SLC35F1: variants seen among roughly 807,000 people sequenced by gnomAD.
The protein encoded by SLC35F1 is chromosome 6 open reading frame 169.
In SLC35F1, 14 loss-of-function variants were observed where a neutral mutation model predicts 48.7. The ratio of observed to expected loss-of-function variants is 0.29; its 90% CI spans 0.19 to 0.45. The LOEUF (loss-of-function observed/expected upper bound fraction) is 0.45, where lower values mean the gene tolerates loss of function less well. Among genes scored for constraint, SLC35F1 ranks in the 20% least tolerant of loss-of-function variants. The probability of loss-of-function intolerance (pLI) is 1.00; values close to 1 mark genes in which losing one functional copy is unlikely to be tolerated. For missense variants in SLC35F1, 404 were observed against 500.0 expected (o/e 0.81, Z 1.83); for synonymous variants, 190 against 202.2 (o/e 0.94, Z 0.51).
At chr6:118,063,437 T>C (rs1217739605) in intron 1 of SLC35F1, among the ~76,000 whole-genome samples, 2 of 152,196 alleles carry the variant, frequency 1.3e-5, no homozygotes, top group African/African-American at 4.8e-5. Context: ...AATTACACAA[T>C]ATTTTCAGTG....
At chr6:118,250,893 A>T (rs1372601039) in intron 3 of SLC35F1, among the ~76,000 whole-genome samples, 1 of 151,910 alleles carries the variant, frequency 6.6e-6, no homozygotes, top group Non-Finnish European at 1.5e-5. Flanking sequence ...TGAACCCAGG[A>T]AGCAGAGGTT....
chr6:118,229,113 C>A (rs182402867), intron 2 of SLC35F1, among the ~76,000 whole-genome samples: 214 of 152,030 alleles, frequency 1.4e-3, no homozygotes, highest in African/African-American at 4.8e-3. Context: ...CAAAACTTTT[C>A]ATTCCCTCAA....
At chr6:118,043,680 G>C (rs1772259461) in intron 1 of SLC35F1, among the ~76,000 whole-genome samples, 1 of 137,550 alleles carries the variant, frequency 7.3e-6, no homozygotes, top group Non-Finnish European at 1.7e-5. Flanking sequence ...GGGAGTGTTA[G>C]ACATACGCCC....
At chr6:118,240,150 G>C (rs1178288753) in intron 3 of SLC35F1, among the ~76,000 whole-genome samples, 1 of 152,214 alleles carries the variant, frequency 6.6e-6, no homozygotes, top group African/African-American at 2.4e-5. Context: ...AAATGAATCA[G>C]CCTTGCCCTA....
At chr6:117,979,384 A>G (rs1309970098) in intron 1 of SLC35F1, among the ~76,000 whole-genome samples, 4 of 152,212 alleles carry the variant, frequency 2.6e-5, no homozygotes, top group African/African-American at 9.7e-5. Context: ...AATACTGTTA[A>G]GATTTAACTG....
chr6:117,923,702 T>C (rs13217411), intron 1 of SLC35F1, among the ~76,000 whole-genome samples: 1 of 17,470 alleles, frequency 5.7e-5, no homozygotes, highest in Admixed American at 8.5e-4. Flanking sequence ...TACATATACA[T>C]ATATGTACAT....
At chr6:117,916,320 A>AATACAATACC (rs1775825234) in intron 1 of SLC35F1, among the ~76,000 whole-genome samples, 1 of 152,170 alleles carries the variant, frequency 6.6e-6, no homozygotes, top group Admixed American at 6.5e-5. Context: ...ATTTCACAAA[A>AATACAATACC]GTATTGTCTT....
intron 1 of SLC35F1, among the ~76,000 whole-genome samples, chr6:117,922,167 A>T (rs1031253299): frequency 6.6e-6 from 1 of 152,102 alleles, no homozygotes; most frequent in African/African-American, 2.4e-5. Context: ...GTTGGAGGAG[A>T]TAACACTTGT....
chr6:117,933,291 G>T lies in SLC35F1; in HGVS notation c.173+25392G>T, dbSNP rs558575843. Among the ~76,000 whole-genome samples, 116 of 152,194 alleles carry T rather than the reference G, an allele frequency of 7.6e-4. 6 individuals are homozygous for T. In the South Asian group the frequency reaches 0.024, roughly 31 times the overall value. On this transcript the variant is annotated intron_variant, in intron 1 of 7. Transcript: ENST00000360388. The stretch of plus-strand genomic sequence containing the variant: ...ATTTAAACTCCCCTCCCTACTGTTT[G>T]CTGCCTCCTGACAAAAGTAAACTCT...
rs1562280728 is a variant in SLC35F1, at chr6:118,070,906, A to ATATATATACATAGTAAATATATATAC, written c.174-83523_174-83498dup. The stretch of plus-strand genomic sequence containing the variant: ...TATACATAGTAAATATATATACTAT[A>ATATATATACATAGTAAATATATATAC]TATATATACATAGTAAATATATATA... On this transcript the variant is annotated intron_variant, in intron 1 of 7. Coordinates refer to ENST00000360388, the MANE Select transcript of SLC35F1 (RefSeq NM_001029858.4). 0.026 allele frequency among the ~76,000 whole-genome samples: 147 copies of ATATATATACATAGTAAATATATATAC among 5,548 alleles called. 1 individual carries two copies. In the South Asian group the frequency reaches 0.27, roughly 10 times the overall value. 3.6% of individuals were successfully genotyped at this position (5,548 alleles called of 152,430 possible).
chr6:117,932,439 G>T (rs1776114656), intron 1 of SLC35F1, among the ~76,000 whole-genome samples: 1 of 152,150 alleles, frequency 6.6e-6, no homozygotes, highest in Non-Finnish European at 1.5e-5. Context: ...TTTGGCTTTA[G>T]TGTCTATTCT....
intron 1 of SLC35F1, among the ~76,000 whole-genome samples, chr6:118,059,415 A>G (rs1380257232): frequency 6.6e-6 from 1 of 152,188 alleles, no homozygotes; most frequent in Non-Finnish European, 1.5e-5. Flanking sequence ...ATTCTTTTCA[A>G]GAAGTTGCCC....
At chr6:117,984,447 C>T (rs965572857) in intron 1 of SLC35F1, among the ~76,000 whole-genome samples, 17 of 144,128 alleles carry the variant, frequency 1.2e-4, no homozygotes, top group Middle Eastern at 3.6e-3. Context: ...TGTAGTGAGC[C>T]GAGATTGCGC....
chr6:118,275,438 G>A (rs374817627), intron 4 of SLC35F1, 21 bp from the exon 5 acceptor site: 2 of 1,597,632 alleles, frequency 1.3e-6, no homozygotes, highest in South Asian at 1.1e-5. Flanking sequence ...CCCTCTGTTT[G>A]TTTGTTTGGT....
intron 2 of SLC35F1, among the ~76,000 whole-genome samples, chr6:118,174,637 A>G (rs1257638390): frequency 6.6e-6 from 1 of 152,166 alleles, no homozygotes; most frequent in African/African-American, 2.4e-5. Flanking sequence ...TAAATATTTG[A>G]AGGGATAATA....
intron 1 of SLC35F1, among the ~76,000 whole-genome samples, chr6:118,041,202 A>G: frequency 6.6e-6 from 1 of 152,194 alleles, no homozygotes; most frequent in East Asian, 1.9e-4. Context: ...AATTTATTAA[A>G]ATATGAAGAT....
intron 1 of SLC35F1, among the ~76,000 whole-genome samples, chr6:118,011,513 C>G (rs554673291): frequency 6.6e-6 from 1 of 152,228 alleles, no homozygotes; most frequent in East Asian, 1.9e-4. Flanking sequence ...CCCACCAGGC[C>G]CCTCCTCCAA....
At chr6:117,989,515 T>C (rs2114856660) in intron 1 of SLC35F1, among the ~76,000 whole-genome samples, 1 of 152,326 alleles carries the variant, frequency 6.6e-6, no homozygotes, top group South Asian at 2.1e-4. Flanking sequence ...ATCTCAAACA[T>C]TTAATCTTGG....
intron 1 of SLC35F1, among the ~76,000 whole-genome samples, chr6:118,116,753 T>C (rs1369004161): frequency 6.6e-6 from 1 of 152,198 alleles, no homozygotes; most frequent in African/African-American, 2.4e-5. Flanking sequence ...ACAAGCAGTC[T>C]ATGACCACTA....
Sources: gnomAD v4.1 joint callset for allele counts (sites outside exome capture counted in the v4.1 genomes callset) on GRCh38, gnomAD v4.1.1 for gene constraint, MANE v1.5 for transcripts, NCBI Gene and HGNC (gene_info 2026-07-23, HGNC 2026-07-21) for gene names.